FSD1L: variants seen among roughly 807,000 people sequenced by gnomAD.
The protein encoded by FSD1L is FSD1-like protein.
FSD1L carries 45 observed loss-of-function variants against 71.6 expected under a neutral mutation model. That is an observed-to-expected ratio of 0.63 (90% CI 0.49 to 0.81). The LOEUF is 0.81. FSD1L is among the 30% of genes least tolerant of loss of function. FSD1L has a pLI of 0.00. For synonymous variants in FSD1L, 197 were observed against 207.2 expected (o/e 0.95, Z 0.42); for missense variants, 561 against 618.1 (o/e 0.91, Z 0.98).
At chr9:105,453,124 G>T (rs1011257314) in intron 1 of FSD1L, among the ~76,000 whole-genome samples, 3 of 138,798 alleles carry the variant, frequency 2.2e-5, no homozygotes, top group Non-Finnish European at 4.5e-5. Context: ...CATGATTTAG[G>T]TAAAAACCTG....
upstream of FSD1L, among the ~76,000 whole-genome samples, chr9:105,446,221 T>C (rs1231802141): frequency 6.6e-6 from 1 of 152,250 alleles, no homozygotes; most frequent in South Asian, 2.1e-4. Context: ...GCCTTTGTAT[T>C]TGTTGTTCCT....
intron 5 of FSD1L, 72 bp from the exon 6 acceptor site, chr9:105,479,282 T>C: frequency 7.4e-7 from 1 of 1,355,030 alleles, no homozygotes; most frequent in Non-Finnish European, 1.0e-6. Context: ...TTTTCTTGCA[T>C]GTCACTGCCA....
chr9:105,552,008 T>A lies in FSD1L; in HGVS notation c.*5525T>A, dbSNP rs1159206753. 6.6e-6 allele frequency: 1 copy of A among 152,256 alleles called. No homozygotes were observed. The highest frequency in any genetic ancestry group is 1.5e-5 in the Non-Finnish European group (1 of 68,036). 9.4% of individuals were successfully genotyped at this position (152,256 alleles called of 1,614,324 possible). ...AAAGATGAAGCATTTCAAAATCTTG[T>A]TAACCTGGTTATCTCTTGGTATCTC... On this transcript the variant is annotated 3_prime_UTR_variant, in exon 14 of 14. Coordinates refer to ENST00000481272, the MANE Select transcript of FSD1L (RefSeq NM_001145313.3).
At chr9:105,444,243 G>C (rs1273117294), upstream of FSD1L, among the ~76,000 whole-genome samples, 1 of 152,178 alleles carries the variant, frequency 6.6e-6, no homozygotes, top group African/African-American at 2.4e-5. Context: ...AATAATACTA[G>C]CCAGCATTTG....
chr9:105,545,146 C>T lies in FSD1L; in HGVS notation c.1468-1212C>T, dbSNP rs560294801. ...TCTCCTTGAAGAGGTCTTTCACATC[C>T]CGTGTAAGTTGGATTCCTAGGTATT... On this transcript the variant is annotated intron_variant, in intron 13 of 13. Coordinates refer to ENST00000481272, the MANE Select transcript of FSD1L (RefSeq NM_001145313.3). 3.3e-5 allele frequency among the ~76,000 whole-genome samples: 5 copies of T among 151,550 alleles called. No individual in the cohort carries two copies. The South Asian group carries it at 1.0e-3, about 32-fold the overall frequency.
rs1835493447 is a variant in FSD1L at position 105,526,159 on chromosome 9, A to G, written c.1026-8334A>G. ...TGTGAATGGAAAGGTTCTACCCATT[A>G]TGGTTAGAGCAACAGCTATAAATGC... On this transcript the variant is annotated intron_variant, in intron 10 of 13. Transcript: ENST00000481272. 6.9e-6 allele frequency: 11 copies of G among 1,583,740 alleles called. No individual in the cohort carries two copies. The African/African-American group carries it at 8.1e-5, about 12-fold the overall frequency.
At chr9:105,484,124 A>G (rs529270861) in intron 6 of FSD1L, among the ~76,000 whole-genome samples, 1 of 152,266 alleles carries the variant, frequency 6.6e-6, no homozygotes, top group South Asian at 2.1e-4. Flanking sequence ...GTTGTTATTC[A>G]TATATATGCA....
chr9:105,484,336 C>T, intron 6 of FSD1L, 45 bp from the exon 7 acceptor site: 1 of 1,331,000 alleles, frequency 7.5e-7, no homozygotes, highest in Non-Finnish European at 9.9e-7. Context: ...TGATTTGATA[C>T]TTCCTATTTC....
rs1295066490 is a variant in FSD1L at position 105,546,597 on chromosome 9, A to T, written c.*114A>T. The T allele has an allele frequency of 3.8e-6, 4 of 1,045,736 alleles. No individual in the cohort carries two copies. The East Asian group carries it at 8.4e-5, about 22-fold the overall frequency. 64.8% of individuals were successfully genotyped at this position (1,045,736 alleles called of 1,614,324 possible). ...ATCAGGTTTGCTGTGTTCTGCTTTG[A>T]GGCCTGGAATCTTTTATCATTAAAC... On this transcript the variant is annotated 3_prime_UTR_variant, in exon 14 of 14. Transcript: ENST00000481272.
intron 5 of FSD1L, among the ~76,000 whole-genome samples, chr9:105,474,779 A>C (rs76076138): frequency 6.6e-6 from 1 of 152,236 alleles, no homozygotes; most frequent in East Asian, 1.9e-4. Flanking sequence ...TTCAAAAAGA[A>C]TATTTCAAGT....
At chr9:105,493,064 T>C (rs1404597307) in intron 7 of FSD1L, among the ~76,000 whole-genome samples, 2 of 152,182 alleles carry the variant, frequency 1.3e-5, no homozygotes. Flanking sequence ...TTGTTAACTT[T>C]CTGTCTCGTT....
At position 105,520,483 on chromosome 9, in the gene FSD1L, CAA is replaced by C. The variant is rs1835075012; in HGVS notation, c.1025+7549_1025+7550del. The C allele has an allele frequency of 6.6e-6, 7 of 1,066,836 alleles. No homozygotes were observed. The South Asian group carries it at 8.9e-5, about 14-fold the overall frequency. 66.1% of individuals were successfully genotyped at this position (1,066,836 alleles called of 1,614,324 possible). ...TCTTAAACAGAAAGGTCACAAGTCT[CAA>C]AGAGAGGAACTGGATGCTATACTTT... On this transcript the variant is annotated intron_variant, in intron 10 of 13. Coordinates refer to ENST00000481272, the MANE Select transcript of FSD1L (RefSeq NM_001145313.3).
At chr9:105,464,825 C>G (rs1459034832) in intron 3 of FSD1L, among the ~76,000 whole-genome samples, 1 of 151,154 alleles carries the variant, frequency 6.6e-6, no homozygotes, top group African/African-American at 2.4e-5. Flanking sequence ...AAAAAAGATA[C>G]AAAAATTAGC....
intron 7 of FSD1L, among the ~76,000 whole-genome samples, chr9:105,495,496 C>G (rs950371172): frequency 6.6e-6 from 1 of 152,164 alleles, no homozygotes; most frequent in East Asian, 1.9e-4. Context: ...GTGCAGGGTG[C>G]GCTGCACCCA....
chr9:105,442,748 G>A, the FSD1L span, among the ~76,000 whole-genome samples: 13 of 152,024 alleles, frequency 8.6e-5, no homozygotes, highest in African/African-American at 3.1e-4. Flanking sequence ...ATCCCCCTAT[G>A]AATGCTCTGC....
intron 7 of FSD1L, among the ~76,000 whole-genome samples, chr9:105,487,009 ACCT>A (rs1832594955): frequency 6.6e-6 from 1 of 152,044 alleles, no homozygotes; most frequent in African/African-American, 2.4e-5. Flanking sequence ...CATATAATTC[ACCT>A]CCTTTAAAAA....
At chr9:105,534,418 T>C in intron 10 of FSD1L, 75 bp from the exon 11 acceptor site, 1 of 757,878 alleles carries the variant, frequency 1.3e-6, no homozygotes, top group South Asian at 1.9e-5. Context: ...GTTCCTTCCA[T>C]GATTTCTAGT....
Position 105,545,331 on chromosome 9 carries a change from A to C in FSD1L, c.1468-1027A>C, listed in dbSNP as rs1289141741. On this transcript the variant is annotated intron_variant, in intron 13 of 13. Coordinates refer to ENST00000481272, the MANE Select transcript of FSD1L (RefSeq NM_001145313.3). ...GCTTAAGGAGATTTTGGGCTGAGAC[A>C]ATGGGGTTTTCTAGATATACAATCA... Among the ~76,000 whole-genome samples the C allele has an allele frequency of 1.4e-5, 2 of 145,364 alleles. 1 individual carries two copies. Among genetic ancestry groups the C allele is most frequent in the African/African-American group, 5.4e-5 (2 of 36,930 alleles).
upstream of FSD1L, among the ~76,000 whole-genome samples, chr9:105,446,124 C>T (rs1253303950): frequency 6.6e-6 from 1 of 151,582 alleles, no homozygotes; most frequent in Non-Finnish European, 1.5e-5. Context: ...AATCACAGTA[C>T]AGTCAGGGGG....
Sources: allele counts gnomAD v4.1 joint callset (sites outside exome capture counted in the v4.1 genomes callset), GRCh38; gene constraint gnomAD v4.1.1; transcripts MANE v1.5; gene names NCBI Gene and HGNC (gene_info 2026-07-23, HGNC 2026-07-21).